HIVEP2: variants seen among roughly 807,000 people sequenced by gnomAD.
HIVEP2 encodes the protein HIVEP zinc finger 2.
A neutral mutation model predicts 180.7 loss-of-function variants in HIVEP2; 14 were observed. The ratio of observed to expected loss-of-function variants is 0.08; its 90% CI spans 0.05 to 0.12. The LOEUF is 0.12. Among genes scored for constraint, HIVEP2 ranks in the 10% least tolerant of loss-of-function variants. HIVEP2 has a pLI of 1.00. For missense variants in HIVEP2, 2,579 were observed against 3,008.5 expected (o/e 0.86, Z 3.34); for synonymous variants, 1,184 against 1,136.4 (o/e 1.04, Z -0.84).
At chr6:142,787,413 T>C (rs1009268044) in intron 2 of HIVEP2, among the ~76,000 whole-genome samples, 1 of 151,996 alleles carries the variant, frequency 6.6e-6, no homozygotes, top group African/African-American at 2.4e-5. Context: ...TACTCTTCAC[T>C]AGAGAAGAGA....
At position 142,769,669 on chromosome 6, in the gene HIVEP2, C is replaced by T. The variant is rs371213412; in HGVS notation, c.5070G>A (p.Thr1690=). Residue 1690 remains threonine (T), a synonymous_variant, in exon 5 of 10, where the codon ACG becomes ACA. Coordinates refer to ENST00000367603, the MANE Select transcript of HIVEP2 (RefSeq NM_006734.4). ...TTTGCTTGGACCTCAGAAGAGCCAG[C>T]GTGGTCTTGGTGTTCAATCCTGATG... ...PNPSGLNTKT[T]LALLRSKQKI... is the part of the protein sequence containing the mutation. 59 of 1,614,152 alleles carry T rather than the reference C, an allele frequency of 3.7e-5. No individual in the cohort carries two copies. The highest frequency in any genetic ancestry group is 4.7e-5 in the Non-Finnish European group (55 of 1,180,026).
chr6:142,760,378 G>A lies in HIVEP2; in HGVS notation c.5910C>T (p.Ser1970=). Residue 1970 remains serine (S), a synonymous_variant, in exon 9 of 10, where the codon AGC becomes AGT. Transcript: ENST00000367603. ...DSSLGHSSLI[S]YLVTLPSIRV... Reference sequence around the variant, plus strand: ...GAATACTTGGCAAAGTAACCAAATAGCTGATCAACGAAGAATGTCCCAGGG... The same window carrying A: ...GAATACTTGGCAAAGTAACCAAATAACTGATCAACGAAGAATGTCCCAGGG... 1 of 1,614,226 alleles carries A rather than the reference G, an allele frequency of 6.2e-7. No individual in the cohort carries two copies. The highest frequency in any genetic ancestry group is 8.5e-7 in the Non-Finnish European group (1 of 1,180,032).
chr6:142,941,539 C>T (rs1582981985), intron 1 of HIVEP2, among the ~76,000 whole-genome samples: 1 of 152,246 alleles, frequency 6.6e-6, no homozygotes, highest in South Asian at 2.1e-4. Flanking sequence ...GTGTTCATCC[C>T]AAACACTGTA....
chr6:142,862,584 T>C (rs111218900), intron 1 of HIVEP2, among the ~76,000 whole-genome samples: 3 of 146,818 alleles, frequency 2.0e-5, no homozygotes, highest in Non-Finnish European at 4.5e-5. Context: ...ATCATATATT[T>C]TATAATACAT....
intron 1 of HIVEP2, among the ~76,000 whole-genome samples, chr6:142,909,010 G>A (rs887676571): frequency 6.6e-6 from 1 of 152,050 alleles, no homozygotes; most frequent in Non-Finnish European, 1.5e-5. Context: ...CTATTAAAGG[G>A]CAGATTTTAG....
At chr6:142,898,355 A>G (rs1418412803) in intron 1 of HIVEP2, among the ~76,000 whole-genome samples, 1 of 152,188 alleles carries the variant, frequency 6.6e-6, no homozygotes, top group Non-Finnish European at 1.5e-5. Context: ...CACAGATACA[A>G]TAAATCTAAA....
chr6:142,816,581 CG>C (rs1776843133), intron 2 of HIVEP2, among the ~76,000 whole-genome samples: 1 of 152,172 alleles, frequency 6.6e-6, no homozygotes, highest in Non-Finnish European at 1.5e-5. Flanking sequence ...CCATCCCCTG[CG>C]TCTGGCATTT....
At chr6:142,898,912 GT>G (rs1306882162) in intron 1 of HIVEP2, among the ~76,000 whole-genome samples, 3 of 152,122 alleles carry the variant, frequency 2.0e-5, no homozygotes, top group African/African-American at 4.8e-5. Flanking sequence ...GGCTTTCATT[GT>G]TTTTTCGCTT....
intron 1 of HIVEP2, among the ~76,000 whole-genome samples, chr6:142,889,307 C>T (rs1776794495): frequency 2.0e-5 from 3 of 152,034 alleles, no homozygotes; most frequent in Admixed American, 1.3e-4. Flanking sequence ...CCTGTCTCTA[C>T]AAAATATTAG....
intron 1 of HIVEP2, among the ~76,000 whole-genome samples, chr6:142,843,930 C>G (rs904933740): frequency 2.0e-5 from 3 of 152,150 alleles, no homozygotes; most frequent in African/African-American, 7.2e-5. Flanking sequence ...AGAATCATAA[C>G]TTTTCACTAC....
intron 1 of HIVEP2, among the ~76,000 whole-genome samples, chr6:142,852,190 T>C (rs2114927792): frequency 6.6e-6 from 1 of 152,340 alleles, no homozygotes; most frequent in South Asian, 2.1e-4. Context: ...AGCCACAGAT[T>C]TCCCACCAAA....
chr6:142,801,294 A>T (rs1389971903), intron 2 of HIVEP2, among the ~76,000 whole-genome samples: 1 of 151,688 alleles, frequency 6.6e-6, no homozygotes, highest in Admixed American at 6.6e-5. Flanking sequence ...ATGTCAGCAG[A>T]CTATAAAATA....
chr6:142,812,944 T>C (rs1311743353), intron 2 of HIVEP2, among the ~76,000 whole-genome samples: 1 of 152,102 alleles, frequency 6.6e-6, no homozygotes, highest in Non-Finnish European at 1.5e-5. Context: ...GACAAAATAC[T>C]TGGCCCTACT....
intron 2 of HIVEP2, among the ~76,000 whole-genome samples, chr6:142,830,507 C>T (rs137873905): frequency 2.6e-5 from 4 of 151,816 alleles, no homozygotes; most frequent in African/African-American, 7.3e-5. Flanking sequence ...GGAATTTTGG[C>T]AGGGTGAAGG....
Position 142,771,824 on chromosome 6 carries a change from T to C in HIVEP2, c.2915A>G (p.Asn972Ser). The C allele has an allele frequency of 1.2e-6, 2 of 1,614,208 alleles. No homozygotes were observed. Among genetic ancestry groups the C allele is most frequent in the Non-Finnish European group, 1.7e-6 (2 of 1,180,034 alleles). Reference sequence around the variant, plus strand: ...GGAGAAACTGGAGCTGTGGGACAAGTTGCTTTCTTGGCTGGGGCTGCGGGA... The same window carrying C: ...GGAGAAACTGGAGCTGTGGGACAAGCTGCTTTCTTGGCTGGGGCTGCGGGA... ...GLSRSPSQES[N>S]LSHSSSFSMS... The change falls in exon 5 of 10, where the codon AAC becomes AGC. Residue 972 changes from asparagine (N) to serine (S), a missense_variant. Physicochemically the swap from Asn to Ser is conservative, Grantham distance 46 (BLOSUM62 1). This residue lies in a region of HIVEP2 where 523 missense variants were observed against 577.0 expected (regional missense o/e 0.91). Transcript: ENST00000367603. The surrounding 1 kb of genome is among the most constrained non-coding windows in gnomAD (Gnocchi z 5.4).
chr6:142,832,855 A>G (rs1775126913), intron 2 of HIVEP2, among the ~76,000 whole-genome samples: 1 of 152,254 alleles, frequency 6.6e-6, no homozygotes, highest in African/African-American at 2.4e-5. Context: ...GAAGGTGATA[A>G]CTGACAGAGG....
At chr6:142,833,854 T>C (rs533201723) in intron 2 of HIVEP2, among the ~76,000 whole-genome samples, 1 of 152,266 alleles carries the variant, frequency 6.6e-6, no homozygotes, top group South Asian at 2.1e-4. Flanking sequence ...TTCACATCAG[T>C]TTGTAAATAT....
chr6:142,780,963 T>A (rs1276986912), intron 3 of HIVEP2, among the ~76,000 whole-genome samples: 1 of 152,166 alleles, frequency 6.6e-6, no homozygotes, highest in African/African-American at 2.4e-5. Context: ...AAAACATTTT[T>A]AAAAGTATGT....
At chr6:142,921,603 C>T (rs1011363671) in intron 1 of HIVEP2, among the ~76,000 whole-genome samples, 3 of 152,102 alleles carry the variant, frequency 2.0e-5, no homozygotes, top group Non-Finnish European at 2.9e-5. Context: ...TTTTAATTAT[C>T]ATTATGAACT....
Sources: gnomAD v4.1 joint callset for allele counts (sites outside exome capture counted in the v4.1 genomes callset) on GRCh38, gnomAD v4.1.1 for gene constraint, gnomAD v4.1.1 regional missense constraint, Gnocchi (gnomAD v3.1) non-coding constraint, MANE v1.5 for transcripts, NCBI Gene and HGNC (gene_info 2026-07-23, HGNC 2026-07-21) for gene names.